ZFPM1: variants seen among roughly 807,000 people sequenced by gnomAD.
The protein encoded by ZFPM1 is zinc finger protein, FOG family member 1.
A neutral mutation model predicts 46.3 loss-of-function variants in ZFPM1; 28 were observed. The observed-to-expected ratio is 0.60, with a 90% CI of 0.45 to 0.83. ZFPM1 has a LOEUF of 0.83. Among genes scored for constraint, ZFPM1 ranks in the 40% least tolerant of loss-of-function variants. ZFPM1 has a pLI of 0.00. For synonymous variants in ZFPM1, 957 were observed against 675.9 expected (o/e 1.42, Z -6.45); for missense variants, 1,878 against 1,432.4 (o/e 1.31, Z -5.02).
intron 6 of ZFPM1, among the ~76,000 whole-genome samples, chr16:88,529,127 A>G (rs568102722): frequency 5.1e-4 from 77 of 152,356 alleles, no homozygotes; most frequent in African/African-American, 1.8e-3. Context: ...AAAACTTTGA[A>G]AAATGAGCCG....
At chr16:88,484,859 A>G (rs1317703221) in intron 1 of ZFPM1, among the ~76,000 whole-genome samples, 3 of 152,132 alleles carry the variant, frequency 2.0e-5, no homozygotes, top group South Asian at 4.1e-4. Flanking sequence ...CTGCCCCCGC[A>G]CTTGGGCCGC....
intron 4 of ZFPM1, among the ~76,000 whole-genome samples, chr16:88,524,450 G>A (rs1416427787): frequency 1.3e-5 from 2 of 152,208 alleles, no homozygotes; most frequent in Non-Finnish European, 2.9e-5. Flanking sequence ...TCACGGGGGT[G>A]TCCTTTAAAA....
chr16:88,494,645 G>A (rs1240555467), intron 3 of ZFPM1, among the ~76,000 whole-genome samples: 3 of 152,190 alleles, frequency 2.0e-5, no homozygotes, highest in East Asian at 1.9e-4. Context: ...AGTAGAGGGC[G>A]CAGCCCTGCA....
chr16:88,479,580 G>T (rs773851306), intron 1 of ZFPM1, among the ~76,000 whole-genome samples: 1 of 152,098 alleles, frequency 6.6e-6, no homozygotes, highest in Non-Finnish European at 1.5e-5. Flanking sequence ...CAAGCTGCCC[G>T]CTGCCCAGCT....
intron 1 of ZFPM1, among the ~76,000 whole-genome samples, chr16:88,461,050 AGGCCCTGGT>A (rs1907828205): frequency 1.2e-5 from 1 of 86,588 alleles, no homozygotes; most frequent in Non-Finnish European, 2.2e-5. Context: ...GAGGGGCGGG[AGGCCCTGGT>A]GAGGACCCAG....
intron 4 of ZFPM1, among the ~76,000 whole-genome samples, chr16:88,515,682 C>T (rs1330793703): frequency 6.6e-6 from 1 of 152,210 alleles, no homozygotes; most frequent in East Asian, 1.9e-4. Flanking sequence ...TGCCTGGCCC[C>T]GTGGCCTGGA....
chr16:88,454,713 A>G (rs1380402831), intron 1 of ZFPM1, among the ~76,000 whole-genome samples: 3 of 152,208 alleles, frequency 2.0e-5, no homozygotes, highest in Admixed American at 2.0e-4. Context: ...CCCTATGCCA[A>G]TAATAACTTT....
intron 3 of ZFPM1, among the ~76,000 whole-genome samples, chr16:88,501,076 A>G (rs112765206): frequency 0.023 from 2,846 of 125,910 alleles, 40 homozygotes; most frequent in Middle Eastern, 0.066. Flanking sequence ...GCGGTCATGG[A>G]TGCGGGGGCC....
chr16:88,496,748 C>T (rs1034546600), intron 3 of ZFPM1, among the ~76,000 whole-genome samples: 6 of 152,272 alleles, frequency 3.9e-5, no homozygotes, highest in South Asian at 2.1e-4. Flanking sequence ...GTCATGTACA[C>T]GGGGCTTGAG....
At position 88,510,638 on chromosome 16, in the gene ZFPM1, C is replaced by T. The variant is rs1189541000; in HGVS notation, c.269-3749C>T. ...GCGGCCCCATTCCCCTGGCTGGGCTCACCCATGCGGCCTAGGTCCCGCCCC... is the reference window on the plus strand; with the variant it reads ...GCGGCCCCATTCCCCTGGCTGGGCTTACCCATGCGGCCTAGGTCCCGCCCC... On this transcript the variant is annotated intron_variant, in intron 3 of 9. Coordinates refer to ENST00000319555, the MANE Select transcript of ZFPM1 (RefSeq NM_153813.3). 2.0e-5 allele frequency among the ~76,000 whole-genome samples: 3 copies of T among 152,288 alleles called. No homozygotes were observed. The East Asian group carries it at 5.8e-4, about 29-fold the overall frequency.
At chr16:88,492,822 C>A (rs1242901649) in intron 3 of ZFPM1, among the ~76,000 whole-genome samples, 1 of 152,182 alleles carries the variant, frequency 6.6e-6, no homozygotes, top group African/African-American at 2.4e-5. Context: ...GAGGAGGCCT[C>A]CCAGCCCCTC....
chr16:88,460,941 A>AGGACCCAGGGGCAGAAGG (rs1907803288), intron 1 of ZFPM1, among the ~76,000 whole-genome samples: 1 of 54,670 alleles, frequency 1.8e-5, no homozygotes, highest in African/African-American at 8.8e-5. Flanking sequence ...AGGCCTGGTG[A>AGGACCCAGGGGCAGAAGG]TGACCGAGGG....
At chr16:88,521,852 A>G (rs1282514994) in intron 4 of ZFPM1, among the ~76,000 whole-genome samples, 3 of 120,634 alleles carry the variant, frequency 2.5e-5, no homozygotes, top group Non-Finnish European at 5.1e-5. Context: ...TTCCCTCTCC[A>G]TGCTGTTCCC....
chr16:88,495,137 G>A (rs1909865001), intron 3 of ZFPM1, among the ~76,000 whole-genome samples: 1 of 152,206 alleles, frequency 6.6e-6, no homozygotes, highest in Non-Finnish European at 1.5e-5. Flanking sequence ...GCGCTCAGAC[G>A]TGCCAGCCCC....
chr16:88,465,385 G>A (rs977998670), intron 1 of ZFPM1, among the ~76,000 whole-genome samples: 2 of 152,266 alleles, frequency 1.3e-5, no homozygotes, highest in Non-Finnish European at 2.9e-5. Flanking sequence ...TGGGCAAAGG[G>A]TGGAGGAAAA....
chr16:88,478,308 T>C (rs1295500152), intron 1 of ZFPM1, among the ~76,000 whole-genome samples: 1 of 152,246 alleles, frequency 6.6e-6, no homozygotes, highest in Admixed American at 6.5e-5. Context: ...GCTTTTGTGG[T>C]TGCCCTGGCT....
chr16:88,453,771 C>A, intron 1 of ZFPM1, 93 bp downstream of exon 1: 2 of 790,642 alleles, frequency 2.5e-6, no homozygotes, highest in South Asian at 5.5e-5. Flanking sequence ...CCGCTCTGCC[C>A]TGGGCGCCGG....
rs1288105285 is a variant in ZFPM1 at position 88,532,379 on chromosome 16, C to A, written c.946+144C>A. The A allele has an allele frequency of 4.1e-6, 4 of 965,378 alleles. No individual in the cohort carries two copies. The Admixed American group carries it at 8.7e-5, about 21-fold the overall frequency. The allele number at this position is 965,378 out of a possible 1,614,324, so 59.8% of individuals were successfully genotyped here. On this transcript the variant is annotated intron_variant, in intron 7 of 9. Transcript: ENST00000319555. ...GTCTCCGGCACACCCAGGGCCCCCG[C>A]AGGGGCCCAGAGCAGGCAGGCCGGA...
In ZFPM1 at chr16:88,508,878, CCAGGTCCT is replaced by C. The variant is rs1348499858; in HGVS notation, c.269-5504_269-5497del. On this transcript the variant is annotated intron_variant, in intron 3 of 9. Transcript: ENST00000319555. ...CACCTCACCCCCTGTTAAATGGGCT[CCAGGTCCT>C]CAGGGGCCCCGCGGGGTTTGCCTGC... is the stretch of plus-strand genomic sequence containing the variant. Among the ~76,000 whole-genome samples the C allele has an allele frequency of 6.6e-5, 10 of 152,346 alleles. No homozygotes were observed. In the East Asian group the frequency reaches 1.4e-3, roughly 21 times the overall value.
Sources: allele counts gnomAD v4.1 joint callset (sites outside exome capture counted in the v4.1 genomes callset), GRCh38; gene constraint gnomAD v4.1.1; transcripts MANE v1.5; gene names NCBI Gene and HGNC (gene_info 2026-07-23, HGNC 2026-07-21).